EPHB1: variants seen among roughly 807,000 people sequenced by gnomAD.
The protein encoded by EPHB1 is ephrin type-B receptor 1.
A neutral mutation model predicts 94.4 loss-of-function variants in EPHB1; 30 were observed. That is an observed-to-expected ratio of 0.32 (90% CI 0.24 to 0.43). EPHB1 has a LOEUF of 0.43. Ranked by LOEUF, EPHB1 falls within the 20% of genes least tolerant of loss-of-function variation. EPHB1 has a pLI of 1.00. For synonymous variants in EPHB1, 522 were observed against 489.1 expected (o/e 1.07, Z -0.89); for missense variants, 1,055 against 1,308.3 (o/e 0.81, Z 2.99).
intron 12 of EPHB1, among the ~76,000 whole-genome samples, chr3:135,205,122 A>G (rs996945322): frequency 2.0e-5 from 3 of 151,962 alleles, no homozygotes; most frequent in Non-Finnish European, 4.4e-5. Flanking sequence ...AAATGACAGG[A>G]TCTCATTATT....
intron 1 of EPHB1, among the ~76,000 whole-genome samples, chr3:134,835,013 G>A (rs2036647623): frequency 6.6e-6 from 1 of 152,206 alleles, no homozygotes; most frequent in South Asian, 2.1e-4. Context: ...AGTGAACAGG[G>A]GGTAATTTAG....
chr3:135,208,156 G>A (rs1942946989), intron 12 of EPHB1, among the ~76,000 whole-genome samples: 1 of 152,132 alleles, frequency 6.6e-6, no homozygotes, highest in Non-Finnish European at 1.5e-5. Flanking sequence ...AACTGAGAAG[G>A]GACCCCTGTT....
At chr3:134,972,961 C>A (rs1407581699) in intron 3 of EPHB1, among the ~76,000 whole-genome samples, 1 of 152,202 alleles carries the variant, frequency 6.6e-6, no homozygotes, top group Non-Finnish European at 1.5e-5. Flanking sequence ...TCCTGCACAT[C>A]CCAGGTTGGG....
chr3:134,990,690 T>C (rs1209855159), intron 3 of EPHB1, among the ~76,000 whole-genome samples: 4 of 152,226 alleles, frequency 2.6e-5, no homozygotes, highest in Admixed American at 2.6e-4. Flanking sequence ...GTGCTCATTC[T>C]CCTGTATATT....
In EPHB1 at chr3:134,795,576, G is replaced by A; in HGVS notation, c.-56G>A. 1.9e-6 allele frequency: 3 copies of A among 1,562,696 alleles called. No individual in the cohort carries two copies. Among genetic ancestry groups the A allele is most frequent in the Non-Finnish European group, 2.6e-6 (3 of 1,146,416 alleles). On this transcript the variant is annotated 5_prime_UTR_variant, in exon 1 of 16. Coordinates refer to ENST00000398015, the MANE Select transcript of EPHB1 (RefSeq NM_004441.5). The stretch of plus-strand genomic sequence containing the variant: ...GCGCAGCGGCGCCCTGGGACGCGGC[G>A]CTCTCCCGGCGCTGCTGCCTCGGCT...
At position 135,173,280 on chromosome 3, in the gene EPHB1, C is replaced by T. The variant is rs544361173; in HGVS notation, c.1759+6274C>T. 1.1e-4 allele frequency among the ~76,000 whole-genome samples: 16 copies of T among 152,072 alleles called. No individual in the cohort carries two copies. In the South Asian group the frequency reaches 2.5e-3, roughly 24 times the overall value. ...CGATCTCCTGACCTCGTGATCCGCC[C>T]GCCTCGGCCTCCCAAAGTGCTGGGA... On this transcript the variant is annotated intron_variant, in intron 9 of 15. Coordinates refer to ENST00000398015, the MANE Select transcript of EPHB1 (RefSeq NM_004441.5).
chr3:135,076,929 G>A (rs962268340), intron 3 of EPHB1, among the ~76,000 whole-genome samples: 2 of 152,158 alleles, frequency 1.3e-5, no homozygotes, highest in African/African-American at 4.8e-5. Flanking sequence ...TAGAATTAGG[G>A]GGTAGGAGCA....
rs533328940 is a variant in EPHB1, at chr3:135,213,257, G to A, written c.2346+11568G>A. Among the ~76,000 whole-genome samples, 12 of 152,250 alleles carry A rather than the reference G, an allele frequency of 7.9e-5. No individual in the cohort carries two copies. In the South Asian group the frequency reaches 8.3e-4, roughly 11 times the overall value. ...GAACAGATCGAATTTTCTCCTTTGC[G>A]CTTTCTTATGATTGGAATAAATCCA... On this transcript the variant is annotated intron_variant, in intron 12 of 15. Transcript: ENST00000398015.
intron 4 of EPHB1, among the ~76,000 whole-genome samples, chr3:135,129,932 T>C (rs1940359918): frequency 6.6e-6 from 1 of 151,626 alleles, no homozygotes; most frequent in African/African-American, 2.4e-5. Flanking sequence ...ATATGAGGGG[T>C]GAAGGTCAAC....
intron 3 of EPHB1, among the ~76,000 whole-genome samples, chr3:134,960,170 T>C (rs1292051590): frequency 1.3e-5 from 2 of 151,940 alleles, no homozygotes; most frequent in Non-Finnish European, 2.9e-5. Context: ...TGAGTTGAAT[T>C]GATAGGGCCT....
intron 12 of EPHB1, among the ~76,000 whole-genome samples, chr3:135,238,833 CT>C (rs1170915648): frequency 6.6e-6 from 1 of 152,200 alleles, no homozygotes; most frequent in East Asian, 1.9e-4. Context: ...CAAAGCCCCT[CT>C]TTTCTGGGGG....
chr3:135,013,792 A>G (rs1576316925), intron 3 of EPHB1, among the ~76,000 whole-genome samples: 1 of 152,232 alleles, frequency 6.6e-6, no homozygotes. Flanking sequence ...ATGTTAGCAC[A>G]TTGTAAACAC....
At chr3:135,223,722 A>G (rs559178518) in intron 12 of EPHB1, among the ~76,000 whole-genome samples, 1 of 152,268 alleles carries the variant, frequency 6.6e-6, no homozygotes, top group Admixed American at 6.5e-5. Flanking sequence ...GTTTGGTCAG[A>G]TAACTCTTTT....
At chr3:135,119,495 C>G (rs1322040526) in intron 4 of EPHB1, among the ~76,000 whole-genome samples, 4 of 151,880 alleles carry the variant, frequency 2.6e-5, no homozygotes, top group Non-Finnish European at 5.9e-5. Flanking sequence ...CTGTGTTGCC[C>G]AGGCTGGGGT....
chr3:135,256,499 A>T (rs1466638202), intron 15 of EPHB1, among the ~76,000 whole-genome samples: 1 of 152,172 alleles, frequency 6.6e-6, no homozygotes, highest in Non-Finnish European at 1.5e-5. Context: ...GCTGGATATG[A>T]AATTCTGGGT....
intron 1 of EPHB1, among the ~76,000 whole-genome samples, chr3:134,806,454 GT>G (rs1224415701): frequency 6.6e-6 from 1 of 152,188 alleles, no homozygotes; most frequent in Non-Finnish European, 1.5e-5. Context: ...AAAGTCTTCA[GT>G]TTGTTGCAAC....
At chr3:135,108,417 C>T (rs1451589995) in intron 4 of EPHB1, among the ~76,000 whole-genome samples, 1 of 152,188 alleles carries the variant, frequency 6.6e-6, no homozygotes, top group Non-Finnish European at 1.5e-5. Flanking sequence ...TAAACATTTG[C>T]AATGCATGTT....
chr3:134,951,442 G>A lies in EPHB1; in HGVS notation c.195G>A (p.Glu65=), dbSNP rs908908004. ...CCTACCAGGTGTGCAATGTCTTCGA[G>A]CCCAACCAGAACAATTGGCTGCTCA... ...IRTYQVCNVF[E]PNQNNWLLTT... The change falls in exon 3 of 16, where the codon GAG becomes GAA. Residue 65 remains glutamate, a synonymous_variant. Transcript: ENST00000398015. The surrounding 1 kb of genome is among the most constrained non-coding windows in gnomAD (Gnocchi z 4.5). The A allele has an allele frequency of 1.5e-5, 24 of 1,611,818 alleles. No homozygotes were observed. Among genetic ancestry groups the A allele is most frequent in the Non-Finnish European group, 2.0e-5 (24 of 1,178,740 alleles).
intron 1 of EPHB1, chr3:134,796,355 CT>C: frequency 6.5e-6 from 1 of 154,340 alleles, no homozygotes; most frequent in Non-Finnish European, 1.4e-5. Flanking sequence ...GGTGGAAACC[CT>C]TTTCGCCTCT....
Sources: gnomAD v4.1 joint callset for allele counts (sites outside exome capture counted in the v4.1 genomes callset) on GRCh38, gnomAD v4.1.1 for gene constraint, Gnocchi (gnomAD v3.1) non-coding constraint, MANE v1.5 for transcripts, NCBI Gene and HGNC (gene_info 2026-07-23, HGNC 2026-07-21) for gene names.